Variants in LEKR1 observed in about 807,000 individuals in gnomAD.
LEKR1 encodes the protein protein LEKR1.
In LEKR1, 59 loss-of-function variants were observed where a neutral mutation model predicts 72.4. The ratio of observed to expected loss-of-function variants is 0.82; its 90% CI spans 0.66 to 1.01. The LOEUF (loss-of-function observed/expected upper bound fraction) is 1.01, where lower values mean the gene tolerates loss of function less well. Among genes scored for constraint, LEKR1 ranks in the 50% least tolerant of loss-of-function variants. The pLI is 0.00. For missense variants in LEKR1, 728 were observed against 759.2 expected (o/e 0.96, Z 0.48); for synonymous variants, 257 against 263.2 (o/e 0.98, Z 0.23).
At position 156,937,173 on chromosome 3, in the gene LEKR1, GAACAAC is replaced by G. The variant is rs58343127; in HGVS notation, c.560-5334_560-5329del. Among the ~76,000 whole-genome samples, 109 of 151,210 alleles carry G rather than the reference GAACAAC, an allele frequency of 7.2e-4. 1 individual carries two copies. The highest frequency in any genetic ancestry group is 2.3e-3 in the South Asian group (11 of 4,786). On this transcript the variant is annotated intron_variant, in intron 5 of 12. Transcript: ENST00000356539. ...GTCCTAAAAAAAACAAGAACAGCAA[GAACAAC>G]AACAACAACAACAACAACAACTTCT...
chr3:156,894,300 A>G (rs1482678195), intron 3 of LEKR1, among the ~76,000 whole-genome samples: 1 of 152,240 alleles, frequency 6.6e-6, no homozygotes, highest in Non-Finnish European at 1.5e-5. Context: ...AATAAAAGTG[A>G]TCACATACAA....
intron 3 of LEKR1, among the ~76,000 whole-genome samples, chr3:156,895,073 G>C (rs191985362): frequency 3.9e-3 from 595 of 152,240 alleles, no homozygotes; most frequent in Non-Finnish European, 6.2e-3. Context: ...AGAAACCAGT[G>C]AACTATCATC....
chr3:156,993,865 T>G (rs1035726803), intron 9 of LEKR1, among the ~76,000 whole-genome samples: 4 of 152,198 alleles, frequency 2.6e-5, no homozygotes, highest in Admixed American at 1.3e-4. Flanking sequence ...TCTTTCTTTT[T>G]GTTTTCATTT....
chr3:156,901,405 A>G (rs1016187929), intron 3 of LEKR1, among the ~76,000 whole-genome samples: 4 of 152,108 alleles, frequency 2.6e-5, no homozygotes, highest in Non-Finnish European at 5.9e-5. Flanking sequence ...TACACTCTTC[A>G]TACCTAACCA....
chr3:156,952,174 A>G (rs1727215198), intron 6 of LEKR1, among the ~76,000 whole-genome samples: 1 of 151,572 alleles, frequency 6.6e-6, no homozygotes, highest in African/African-American at 2.4e-5. Context: ...AATTCTTCTC[A>G]TATATCCTGG....
intron 9 of LEKR1, among the ~76,000 whole-genome samples, chr3:157,000,722 C>T (rs568137058): frequency 6.6e-6 from 1 of 152,300 alleles, no homozygotes; most frequent in South Asian, 2.1e-4. Flanking sequence ...TCATTATTAT[C>T]TGCTTTACTC....
At chr3:156,996,998 G>T (rs909457200) in intron 9 of LEKR1, among the ~76,000 whole-genome samples, 1 of 151,894 alleles carries the variant, frequency 6.6e-6, no homozygotes, top group African/African-American at 2.4e-5. Context: ...CTGGGAGGCG[G>T]AGGTTGCAGT....
At chr3:156,999,922 T>C (rs1731879428) in intron 9 of LEKR1, among the ~76,000 whole-genome samples, 1 of 152,196 alleles carries the variant, frequency 6.6e-6, no homozygotes, top group South Asian at 2.1e-4. Flanking sequence ...GAAATCAAGC[T>C]CTGTTGGGTC....
chr3:156,893,358 CT>C (rs1381319508), intron 3 of LEKR1, among the ~76,000 whole-genome samples: 1 of 152,108 alleles, frequency 6.6e-6, no homozygotes, highest in Non-Finnish European at 1.5e-5. Context: ...GTATATTAGC[CT>C]TATTTATATT....
intron 12 of LEKR1, among the ~76,000 whole-genome samples, chr3:157,041,011 G>T (rs557582445): frequency 6.6e-6 from 1 of 152,284 alleles, no homozygotes; most frequent in Middle Eastern, 3.4e-3. Context: ...CTCTTATATT[G>T]CAAGGAGTAG....
At chr3:157,028,034 A>C in intron 11 of LEKR1, 69 bp from the exon 12 acceptor site, 1 of 1,097,754 alleles carries the variant, frequency 9.1e-7, no homozygotes, top group Non-Finnish European at 1.3e-6. Flanking sequence ...AAACCTCTTA[A>C]AAACCATAAG....
chr3:156,874,530 T>C (rs1042609789), intron 3 of LEKR1, among the ~76,000 whole-genome samples: 3 of 118,574 alleles, frequency 2.5e-5, no homozygotes, highest in Non-Finnish European at 5.8e-5. Flanking sequence ...ATATGTGATT[T>C]TTTTAAAAAA....
intron 3 of LEKR1, among the ~76,000 whole-genome samples, chr3:156,884,233 C>T (rs887294345): frequency 6.6e-6 from 1 of 152,030 alleles, no homozygotes; most frequent in African/African-American, 2.4e-5. Context: ...TTCTGCTGTT[C>T]TGTATATTTT....
intron 5 of LEKR1, among the ~76,000 whole-genome samples, chr3:156,934,977 C>A (rs555488219): frequency 3.3e-5 from 5 of 152,218 alleles, no homozygotes; most frequent in African/African-American, 9.6e-5. Flanking sequence ...CATCACTGAA[C>A]ATCTTTATAC....
chr3:157,010,358 G>C (rs191005847), intron 9 of LEKR1, among the ~76,000 whole-genome samples: 1 of 152,068 alleles, frequency 6.6e-6, no homozygotes, highest in East Asian at 1.9e-4. Context: ...GAAAATGTCA[G>C]AGATGATTCA....
At chr3:156,967,342 G>C (rs1246249089) in intron 6 of LEKR1, among the ~76,000 whole-genome samples, 1 of 152,124 alleles carries the variant, frequency 6.6e-6, no homozygotes, top group East Asian at 1.9e-4. Flanking sequence ...AAAGGAGGAA[G>C]TTCGAACCCA....
In LEKR1 at chr3:156,853,986, A is replaced by G. The variant is rs149598316; in HGVS notation, c.263+1004A>G. ...CATGTAAGACATAAACACATGAAGT[A>G]AAAGAAGTATAGAGAATAAATAATA... is the stretch of plus-strand genomic sequence containing the variant. On this transcript the variant is annotated intron_variant, in intron 3 of 12. Transcript: ENST00000356539. 2.6e-3 allele frequency among the ~76,000 whole-genome samples: 392 copies of G among 152,220 alleles called. 2 individuals are homozygous for G. The highest frequency in any genetic ancestry group is 8.8e-3 in the African/African-American group (367 of 41,544).
At chr3:157,045,171 GA>G (rs546062287) in intron 12 of LEKR1, among the ~76,000 whole-genome samples, 168 bp from the exon 13 acceptor site, 65 of 152,322 alleles carry the variant, frequency 4.3e-4, no homozygotes, top group African/African-American at 1.5e-3. Context: ...CACCATCACA[GA>G]TTATTTCTGT....
chr3:156,834,509 A>G (rs1292473455), intron 2 of LEKR1, among the ~76,000 whole-genome samples: 2 of 152,220 alleles, frequency 1.3e-5, no homozygotes, highest in Non-Finnish European at 2.9e-5. Flanking sequence ...TATAACTTGT[A>G]TATAAACTTT....
Sources: gnomAD v4.1 joint callset for allele counts (sites outside exome capture counted in the v4.1 genomes callset) on GRCh38, gnomAD v4.1.1 for gene constraint, MANE v1.5 for transcripts, NCBI Gene and HGNC (gene_info 2026-07-23, HGNC 2026-07-21) for gene names.